Variants in TMEM243 observed in about 807,000 individuals in gnomAD.
TMEM243 encodes the protein MDR1 and mitochondrial taxol resistance associated.
TMEM243 carries 20 observed loss-of-function variants against 15.0 expected under a neutral mutation model. The ratio of observed to expected loss-of-function variants is 1.33; its 90% CI spans 0.94 to 1.93. The LOEUF (loss-of-function observed/expected upper bound fraction) is 1.93, where lower values mean the gene tolerates loss of function less well. Among genes scored for constraint, TMEM243 ranks in the 30% most tolerant of loss-of-function variants. The pLI, the probability that TMEM243 is intolerant of heterozygous loss-of-function variation, is 0.00. For synonymous variants in TMEM243, 72 were observed against 52.7 expected, an observed-to-expected ratio of 1.37 and a Z score of -1.59; for missense variants, 156 against 142.1, an observed-to-expected ratio of 1.10 and a Z score of -0.50.
At chr7:87,216,087 G>A (rs943534294) in intron 1 of TMEM243, among the ~76,000 whole-genome samples, 15 of 152,034 alleles carry the variant, frequency 9.9e-5, no homozygotes, top group African/African-American at 3.1e-4. Flanking sequence ...TGGCTAACAC[G>A]GTGAAACCCC....
At chr7:87,197,661 T>C (rs1801411415) in intron 3 of TMEM243, 1 of 1,223,682 alleles carries the variant, frequency 8.2e-7, no homozygotes, top group Non-Finnish European at 1.1e-6. Flanking sequence ...TAAATTAAAA[T>C]CTTTGGCCAC....
At chr7:87,207,216 A>G (rs1367047029) in intron 1 of TMEM243, among the ~76,000 whole-genome samples, 3 of 152,120 alleles carry the variant, frequency 2.0e-5, no homozygotes, top group African/African-American at 7.2e-5. Context: ...ACAGCTCTGA[A>G]CTCCAGCTGA....
At chr7:87,212,234 T>C (rs1278338453) in intron 1 of TMEM243, among the ~76,000 whole-genome samples, 1 of 152,182 alleles carries the variant, frequency 6.6e-6, no homozygotes, top group Non-Finnish European at 1.5e-5. Context: ...GGGGGAATCT[T>C]ACCAATGAGA....
At chr7:87,210,942 C>T (rs923204421) in intron 1 of TMEM243, among the ~76,000 whole-genome samples, 2 of 152,240 alleles carry the variant, frequency 1.3e-5, no homozygotes, top group African/African-American at 4.8e-5. Context: ...GGCTTGGACC[C>T]TCTTAAGCAA....
chr7:87,219,361 C>G (rs1316846354), intron 1 of TMEM243, 65 bp downstream of exon 1: 1 of 1,535,590 alleles, frequency 6.5e-7, no homozygotes, highest in African/African-American at 1.4e-5. Context: ...GCAGCCCGGA[C>G]TCCGCCAGAG....
chr7:87,219,868 G>C, upstream of TMEM243: 2 of 310,844 alleles, frequency 6.4e-6, no homozygotes, highest in East Asian at 1.6e-4. Context: ...GCCGCCCGCC[G>C]CTCGCCCCCG....
At chr7:87,214,634 G>T (rs1438019256) in intron 1 of TMEM243, among the ~76,000 whole-genome samples, 4 of 152,180 alleles carry the variant, frequency 2.6e-5, no homozygotes, top group Non-Finnish European at 4.4e-5. Context: ...GCATATTAAA[G>T]CTTCCAAAGT....
chr7:87,220,066 C>A (rs138022601), upstream of TMEM243, among the ~76,000 whole-genome samples: 143 of 152,360 alleles, frequency 9.4e-4, 1 homozygote, highest in African/African-American at 3.2e-3. Context: ...TTCTGCGTCT[C>A]CCCCACTACG....
intron 2 of TMEM243, 38 bp downstream of exon 2, chr7:87,198,969 C>A: frequency 6.5e-7 from 1 of 1,541,980 alleles, no homozygotes; most frequent in Admixed American, 2.2e-5. Flanking sequence ...TCAAAACTGG[C>A]TAAGAGCCTG....
chr7:87,197,925 T>G lies in TMEM243; in HGVS notation c.234+16A>C. On this transcript the variant is annotated intron_variant, in intron 3 of 3. Transcript: ENST00000257637. The stretch of plus-strand genomic sequence containing the variant: ...AAACCCTCAAGAACACTGTTTAAAT[T>G]CTCAACAGTACTTACAAGTATGCAG... The G allele has an allele frequency of 1.2e-6, 2 of 1,612,994 alleles. No homozygotes were observed. Among genetic ancestry groups the G allele is most frequent in the Non-Finnish European group, 1.7e-6 (2 of 1,179,406 alleles).
chr7:87,197,911 A>C (rs1385970074), intron 3 of TMEM243, 30 bp downstream of exon 3: 1 of 1,612,730 alleles, frequency 6.2e-7, no homozygotes, highest in South Asian at 1.1e-5. Context: ...AACCCTCAAG[A>C]ACACTGTTTA....
chr7:87,201,150 A>G (rs1456294309), intron 1 of TMEM243, among the ~76,000 whole-genome samples: 1 of 152,220 alleles, frequency 6.6e-6, no homozygotes, highest in East Asian at 1.9e-4. Context: ...GGGATGAACT[A>G]TTTCGGACAT....
chr7:87,197,372 A>T (rs1478489261), intron 3 of TMEM243, among the ~76,000 whole-genome samples: 1 of 152,134 alleles, frequency 6.6e-6, no homozygotes, highest in Non-Finnish European at 1.5e-5. Flanking sequence ...AATGTAGCCA[A>T]CTAATGAATG....
rs575048552 is a variant in TMEM243 at position 87,219,587 on chromosome 7, T to G, written c.-84A>C. On this transcript the variant is annotated 5_prime_UTR_variant, in exon 1 of 4. Coordinates refer to ENST00000257637, the MANE Select transcript of TMEM243 (RefSeq NM_024315.4). Reference sequence around the variant, plus strand: ...GGTCTCAGGTCCACGACTGCAAGCCTCCTCCTCACGGCTCCCGCATAGCCG... The same window carrying G: ...GGTCTCAGGTCCACGACTGCAAGCCGCCTCCTCACGGCTCCCGCATAGCCG... The G allele has an allele frequency of 3.2e-6, 4 of 1,246,752 alleles. No individual in the cohort carries two copies. The highest frequency in any genetic ancestry group is 2.4e-5 in the East Asian group (1 of 41,058). The allele number at this position is 1,246,752 out of a possible 1,614,324, so 77.2% of individuals were successfully genotyped here. A position where few individuals can be genotyped will look rare whatever the true frequency, so the allele number is the denominator to read the frequency against.
At chr7:87,219,189 A>C (rs1351449247) in intron 1 of TMEM243, among the ~76,000 whole-genome samples, 1 of 152,066 alleles carries the variant, frequency 6.6e-6, no homozygotes, top group Non-Finnish European at 1.5e-5. Context: ...GGCTTCCAAC[A>C]ACCCCGAACT....
chr7:87,212,064 A>G (rs966569663), intron 1 of TMEM243, among the ~76,000 whole-genome samples: 1 of 152,230 alleles, frequency 6.6e-6, no homozygotes, highest in East Asian at 1.9e-4. Flanking sequence ...ACAACTTTTA[A>G]GCCTTAGTTT....
rs200262275 is a variant in TMEM243 at position 87,215,408 on chromosome 7, A to AT, written c.78+4017dup. ...CCTGAGCCACCATGCCTAGTTTAAA[A>AT]TTTTTTTTTAAATATTGATTATATG... On this transcript the variant is annotated intron_variant, in intron 1 of 3. Transcript: ENST00000257637. Among the ~76,000 whole-genome samples, 215 of 152,106 alleles carry AT rather than the reference A, an allele frequency of 1.4e-3. 5 individuals are homozygous for AT. The East Asian group carries it at 0.04, about 28-fold the overall frequency.
Position 87,199,003 on chromosome 7 carries a change from TTAC to T in TMEM243, c.129+1_129+3del. 2 of 1,597,638 alleles carry T rather than the reference TTAC, an allele frequency of 1.3e-6. No individual in the cohort carries two copies. The highest frequency in any genetic ancestry group is 1.7e-6 in the Non-Finnish European group (2 of 1,174,814). On this transcript the variant is annotated splice_donor_variant and splice_donor_region_variant and intron_variant, in intron 2 of 3. Transcript: ENST00000257637. LOFTEE classifies it high-confidence loss of function. ...TGGGTGAGGCACAAAATGAGGATAC[TTAC>T]TAGAATCAATAAGGATGTTAAGCTG...
chr7:87,197,492 G>A (rs1044185953), intron 3 of TMEM243, among the ~76,000 whole-genome samples: 1 of 151,914 alleles, frequency 6.6e-6, no homozygotes, highest in Admixed American at 6.6e-5. Context: ...GGAGGTTTTG[G>A]TGTTAATACC....
Sources: gnomAD v4.1 joint callset for allele counts (sites outside exome capture counted in the v4.1 genomes callset) on GRCh38, gnomAD v4.1.1 for gene constraint, MANE v1.5 for transcripts, NCBI Gene and HGNC (gene_info 2026-07-23, HGNC 2026-07-21) for gene names.